The following CCDC178 variants were observed in gnomAD, a reference collection of about 807,000 sequenced individuals.
The protein encoded by CCDC178 is coiled-coil domain-containing protein 178.
A neutral mutation model predicts 117.4 loss-of-function variants in CCDC178; 126 were observed. The ratio of observed to expected loss-of-function variants is 1.07; its 90% CI spans 0.93 to 1.24. The LOEUF is 1.24. Ranked by LOEUF, CCDC178 falls within the 50% of genes most tolerant of loss-of-function variation. The pLI is 0.00. For synonymous variants in CCDC178, 283 were observed against 313.4 expected (o/e 0.90, Z 1.02); for missense variants, 1,030 against 986.9 (o/e 1.04, Z -0.59).
intron 3 of CCDC178, among the ~76,000 whole-genome samples, chr18:33,397,848 T>C (rs1434454725): frequency 2.6e-5 from 4 of 152,118 alleles, no homozygotes; most frequent in Non-Finnish European, 2.9e-5. Context: ...TACAAAAGTA[T>C]AACTTATGTA....
intron 21 of CCDC178, among the ~76,000 whole-genome samples, chr18:33,058,178 A>G (rs1204534253): frequency 3.3e-5 from 5 of 152,192 alleles, no homozygotes; most frequent in African/African-American, 1.2e-4. Context: ...AAATGAAAAC[A>G]TACGTCTACA....
At chr18:33,148,558 C>A (rs920661622) in intron 20 of CCDC178, among the ~76,000 whole-genome samples, 2 of 151,994 alleles carry the variant, frequency 1.3e-5, no homozygotes, top group Non-Finnish European at 2.9e-5. Flanking sequence ...TGTCTACCCA[C>A]CAAGATTTCA....
At chr18:33,376,787 C>A (rs2063372687) in intron 5 of CCDC178, among the ~76,000 whole-genome samples, 1 of 152,088 alleles carries the variant, frequency 6.6e-6, no homozygotes, top group Non-Finnish European at 1.5e-5. Context: ...TGATTTCATT[C>A]TTTTTTATGG....
chr18:33,036,007 C>G (rs1370874775), intron 21 of CCDC178, among the ~76,000 whole-genome samples: 1 of 151,824 alleles, frequency 6.6e-6, no homozygotes, highest in Non-Finnish European at 1.5e-5. Context: ...TTACATTCCA[C>G]AGAGAGCTAT....
rs931420601 is a variant in CCDC178, at chr18:33,404,786, A to G, written c.58+7245T>C. On this transcript the variant is annotated intron_variant, in intron 3 of 22. Transcript: ENST00000383096. ...ATAATAGTATTCAGTCATACAAAGG[A>G]ATTAAATATGAATACATTTTACAAC... Among the ~76,000 whole-genome samples the G allele has an allele frequency of 2.6e-5, 4 of 152,262 alleles. No homozygotes were observed. In the East Asian group the frequency reaches 7.7e-4, roughly 29 times the overall value.
intron 20 of CCDC178, among the ~76,000 whole-genome samples, chr18:33,142,861 T>C (rs2058223557): frequency 6.6e-6 from 1 of 152,194 alleles, no homozygotes; most frequent in Non-Finnish European, 1.5e-5. Context: ...ATGGAAGTAA[T>C]AGAAAATCTT....
chr18:33,006,439 A>G (rs1304685051), intron 21 of CCDC178, among the ~76,000 whole-genome samples: 1 of 152,092 alleles, frequency 6.6e-6, no homozygotes, highest in Non-Finnish European at 1.5e-5. Flanking sequence ...ATAGTGTTTA[A>G]ATTTTATATG....
At chr18:33,003,389 A>G (rs2055682338) in intron 21 of CCDC178, among the ~76,000 whole-genome samples, 1 of 152,186 alleles carries the variant, frequency 6.6e-6, no homozygotes, top group African/African-American at 2.4e-5. Context: ...ACATATGCAA[A>G]TCAATCAATG....
At chr18:32,963,223 A>T (rs1218072561) in intron 22 of CCDC178, among the ~76,000 whole-genome samples, 1 of 151,996 alleles carries the variant, frequency 6.6e-6, no homozygotes, top group Non-Finnish European at 1.5e-5. Context: ...CAAAACAAGA[A>T]TGTCTATTCC....
intron 15 of CCDC178, among the ~76,000 whole-genome samples, chr18:33,234,731 A>G (rs2059408078): frequency 6.6e-6 from 1 of 152,160 alleles, no homozygotes. Context: ...CTTAGCCATT[A>G]CTTTTACCAA....
intron 20 of CCDC178, among the ~76,000 whole-genome samples, chr18:33,138,880 G>A (rs531002945): frequency 4.6e-5 from 7 of 152,248 alleles, no homozygotes; most frequent in Admixed American, 3.3e-4. Context: ...TCTTCAATAG[G>A]AGATACTGAA....
chr18:32,970,214 A>G (rs947654793), intron 22 of CCDC178, among the ~76,000 whole-genome samples: 4 of 151,884 alleles, frequency 2.6e-5, no homozygotes, highest in Admixed American at 2.6e-4. Flanking sequence ...CATGTAATTC[A>G]AAAGCTTATC....
chr18:33,198,786 A>G (rs572708754), intron 20 of CCDC178, among the ~76,000 whole-genome samples: 1 of 152,248 alleles, frequency 6.6e-6, no homozygotes, highest in South Asian at 2.1e-4. Flanking sequence ...AACTTTTCTG[A>G]TAAAAGAAAC....
At chr18:33,192,188 T>C (rs2058867339) in intron 20 of CCDC178, among the ~76,000 whole-genome samples, 1 of 152,352 alleles carries the variant, frequency 6.6e-6, no homozygotes, top group Non-Finnish European at 1.5e-5. Context: ...ACAACTGTTA[T>C]ATTAACATGT....
intron 20 of CCDC178, among the ~76,000 whole-genome samples, chr18:33,146,736 C>T (rs146343747): frequency 6.6e-6 from 1 of 152,254 alleles, no homozygotes; most frequent in African/African-American, 2.4e-5. Flanking sequence ...TGGTATGACA[C>T]TTTCTGGATA....
chr18:33,152,931 A>G (rs897185552), intron 20 of CCDC178, among the ~76,000 whole-genome samples: 1 of 151,926 alleles, frequency 6.6e-6, no homozygotes, highest in Non-Finnish European at 1.5e-5. Context: ...AAAAATGAGC[A>G]ACAAGTCAGA....
chr18:33,223,235 A>G lies in CCDC178; in HGVS notation c.1819-16T>C, dbSNP rs377124531. 7 of 1,580,882 alleles carry G rather than the reference A, an allele frequency of 4.4e-6. No individual in the cohort carries two copies. The African/African-American group carries it at 6.8e-5, about 15-fold the overall frequency. On this transcript the variant is annotated splice_polypyrimidine_tract_variant and intron_variant, in intron 17 of 22. Transcript: ENST00000383096. Reference sequence around the variant, plus strand: ...TATTAAGCATCTAGAAGACATTCAGATATTAAGATGTGCAGCATTTGCAAC... The same window carrying G: ...TATTAAGCATCTAGAAGACATTCAGGTATTAAGATGTGCAGCATTTGCAAC...
chr18:33,187,896 A>C (rs1568042729), intron 20 of CCDC178, among the ~76,000 whole-genome samples: 1 of 152,122 alleles, frequency 6.6e-6, no homozygotes, highest in African/African-American at 2.4e-5. Context: ...CCTGAAGTGG[A>C]TTTACCATGT....
chr18:33,150,488 G>A (rs1370845448), intron 20 of CCDC178, among the ~76,000 whole-genome samples: 2 of 152,088 alleles, frequency 1.3e-5, no homozygotes, highest in African/African-American at 2.4e-5. Flanking sequence ...ATGCATCTGA[G>A]AAAGGACTAA....
Sources: gnomAD v4.1 joint callset for allele counts (sites outside exome capture counted in the v4.1 genomes callset) on GRCh38, gnomAD v4.1.1 for gene constraint, MANE v1.5 for transcripts, NCBI Gene and HGNC (gene_info 2026-07-23, HGNC 2026-07-21) for gene names.